Variants in SYNE1 observed in about 807,000 individuals in gnomAD.
The protein encoded by SYNE1 is nesprin-1.
SYNE1 carries 616 observed loss-of-function variants against 1,111.0 expected under a neutral mutation model. The observed-to-expected ratio is 0.55, with a 90% CI of 0.52 to 0.59. The LOEUF (loss-of-function observed/expected upper bound fraction) is 0.59. Ranked by LOEUF, SYNE1 falls within the 20% of genes least tolerant of loss-of-function variation. SYNE1 has a pLI of 0.00. For missense variants in SYNE1, 10,006 were observed against 10,417.0 expected, an observed-to-expected ratio of 0.96 and a Z score of 1.72; for synonymous variants, 3,855 against 3,825.8, an observed-to-expected ratio of 1.01 and a Z score of -0.28.
chr6:152,469,224 C>G (rs1564266365), intron 16 of SYNE1, among the ~76,000 whole-genome samples: 1 of 152,102 alleles, frequency 6.6e-6, no homozygotes, highest in Non-Finnish European at 1.5e-5. Context: ...CCATAACACT[C>G]TAAAAGGATA....
rs772518349 is a variant in SYNE1, at chr6:152,396,936, T to TGCATCA, written c.7389_7394dup (p.Asp2464_Ala2465dup). On this transcript the variant is annotated inframe_insertion, in exon 50 of 146. Coordinates refer to ENST00000367255, the MANE Select transcript of SYNE1 (RefSeq NM_182961.4). ...ACAAAGTTTGTCCTTCTTGAGTCAC[T>TGCATCA]GCATCAAGTTTGCTCTGCCCATCAC... 6.2e-7 allele frequency: 1 copy of TGCATCA among 1,614,202 alleles called. No homozygotes were observed. The highest frequency in any genetic ancestry group is 8.5e-7 in the Non-Finnish European group (1 of 1,180,024).
intron 3 of SYNE1, among the ~76,000 whole-genome samples, chr6:152,577,773 CTGTTT>C (rs2099504276): frequency 7.3e-6 from 1 of 137,756 alleles, no homozygotes; most frequent in African/African-American, 3.2e-5. Flanking sequence ...CTTGAGTTTT[CTGTTT>C]TGTTTTTTTT....
At chr6:152,455,739 T>C in intron 23 of SYNE1, 147 bp downstream of exon 23, 1 of 1,391,402 alleles carries the variant, frequency 7.2e-7, no homozygotes, top group South Asian at 1.2e-5. Context: ...TATTAATTAA[T>C]ATTAGGTAAA....
At position 152,385,928 on chromosome 6, in the gene SYNE1, C is replaced by T. The variant is rs9478329; in HGVS notation, c.8488-90G>A. On this transcript the variant is annotated intron_variant, in intron 54 of 145. Coordinates refer to ENST00000367255, the MANE Select transcript of SYNE1 (RefSeq NM_182961.4). Reference sequence around the variant, plus strand: ...AACAGGCCTGATAGAGGTCTCTTAACACATCTCAGAAAATTTCATTCTTGT... The same window carrying T: ...AACAGGCCTGATAGAGGTCTCTTAATACATCTCAGAAAATTTCATTCTTGT... The T allele has an allele frequency of 0.23, 275,509 of 1,214,052 alleles. 35,721 individuals are homozygous for T. The highest frequency in any genetic ancestry group is 0.52 in the East Asian group (22,363 of 42,786). The allele number at this position is 1,214,052 out of a possible 1,614,324, so 75.2% of individuals were successfully genotyped here.
At chr6:152,258,548 A>C (rs942982547) in intron 101 of SYNE1, among the ~76,000 whole-genome samples, 7 of 152,152 alleles carry the variant, frequency 4.6e-5, no homozygotes, top group Non-Finnish European at 8.8e-5. Flanking sequence ...TCTTGGTTTT[A>C]GTAGTACCTA....
Position 152,168,274 on chromosome 6 carries a change from C to T in SYNE1, c.23628-3949G>A, listed in dbSNP as rs570036098. ...ATATCCTGCGTGGGGATGAAAGTTT[C>T]CCCTTGTCTGTGTATAGAAGTATGA... is the stretch of plus-strand genomic sequence containing the variant. On this transcript the variant is annotated intron_variant, in intron 130 of 145. Coordinates refer to ENST00000367255, the MANE Select transcript of SYNE1 (RefSeq NM_182961.4). 37 of 642,234 alleles carry T rather than the reference C, an allele frequency of 5.8e-5. 2 individuals are homozygous for T. In the South Asian group the frequency reaches 6.1e-4, roughly 11 times the overall value. The allele number at this position is 642,234 out of a possible 1,614,324, so 39.8% of individuals were successfully genotyped here. A position where few individuals can be genotyped will look rare whatever the true frequency, so the allele number is the denominator to read the frequency against.
At chr6:152,200,307 C>A (rs926907922) in intron 127 of SYNE1, among the ~76,000 whole-genome samples, 2 of 152,178 alleles carry the variant, frequency 1.3e-5, no homozygotes, top group African/African-American at 4.8e-5. Flanking sequence ...AATGTTTTCA[C>A]GAGCTTTTGT....
rs1563074664 is a variant in SYNE1, at chr6:152,325,067, T to TG, written c.15657+16dup. The TG allele has an allele frequency of 6.2e-7, 1 of 1,612,940 alleles. No individual in the cohort carries two copies. The highest frequency in any genetic ancestry group is 1.1e-5 in the South Asian group (1 of 91,040). On this transcript the variant is annotated intron_variant, in intron 81 of 145. Coordinates refer to ENST00000367255, the MANE Select transcript of SYNE1 (RefSeq NM_182961.4). ...TAGTGAGGAAAGAAAGGTGAGCCCA[T>TG]GGACAGTGGAAACTACCTTGTTGTT... is the stretch of plus-strand genomic sequence containing the variant.
intron 99 of SYNE1, among the ~76,000 whole-genome samples, chr6:152,268,735 C>T (rs769368440): frequency 9.9e-5 from 15 of 151,980 alleles, no homozygotes; most frequent in South Asian, 2.1e-4. Context: ...TATTTTGTAA[C>T]GACATCTACT....
At position 152,181,626 on chromosome 6, in the gene SYNE1, A is replaced by G. The variant is rs191628056; in HGVS notation, c.23302-1332T>C. Among the ~76,000 whole-genome samples the G allele has an allele frequency of 4.6e-5, 7 of 152,342 alleles. No individual in the cohort carries two copies. The East Asian group carries it at 1.3e-3, about 29-fold the overall frequency. Reference sequence around the variant, plus strand: ...TATTTTAAAGATTCACCTATATTGTAGCATGTATCAATACTTCATTCCCTT... The same window carrying G: ...TATTTTAAAGATTCACCTATATTGTGGCATGTATCAATACTTCATTCCCTT... On this transcript the variant is annotated intron_variant, in intron 128 of 145. Transcript: ENST00000367255.
chr6:152,629,522 C>CGGGG lies in SYNE1; in HGVS notation c.-223-972_-223-969dup, dbSNP rs766614719. ...TGCCTGGCTGGTTAAGTTTCATTGC[C>CGGGG]GGGGGGGGGGGGGGGAGGGGGAGGG... On this transcript the variant is annotated intron_variant, in intron 2 of 145. Transcript: ENST00000367255. Among the ~76,000 whole-genome samples, 25 of 6,136 alleles carry CGGGG rather than the reference C, an allele frequency of 4.1e-3. 1 individual carries two copies. Among genetic ancestry groups the CGGGG allele is most frequent in the African/African-American group, 7.0e-3 (8 of 1,144 alleles). 4.0% of individuals were successfully genotyped at this position (6,136 alleles called of 152,430 possible).
At chr6:152,355,577 C>T (rs1268269188) in intron 66 of SYNE1, among the ~76,000 whole-genome samples, 1 of 152,054 alleles carries the variant, frequency 6.6e-6, no homozygotes, top group African/African-American at 2.4e-5. Flanking sequence ...AGCCTAAACC[C>T]CAAAGATTTA....
intron 3 of SYNE1, among the ~76,000 whole-genome samples, chr6:152,615,584 GAAAC>G (rs1206898552): frequency 6.6e-6 from 1 of 151,984 alleles, no homozygotes; most frequent in Non-Finnish European, 1.5e-5. Flanking sequence ...TATTTCATAA[GAAAC>G]AAAAACATAA....
intron 145 of SYNE1, chr6:152,129,626 T>C (rs551603825): frequency 6.8e-6 from 1 of 147,480 alleles, no homozygotes; most frequent in South Asian, 2.1e-4. Context: ...AAAAAAACAG[T>C]ACAGGGAGGT....
At chr6:152,505,576 T>G (rs1040471839) in intron 8 of SYNE1, among the ~76,000 whole-genome samples, 179 bp from the exon 9 acceptor site, 4 of 152,216 alleles carry the variant, frequency 2.6e-5, no homozygotes, top group African/African-American at 9.7e-5. Flanking sequence ...AGATAAGATG[T>G]CGAAATTCTG....
intron 96 of SYNE1, among the ~76,000 whole-genome samples, chr6:152,283,547 GC>G (rs2094150797): frequency 6.6e-6 from 1 of 152,056 alleles, no homozygotes; most frequent in African/African-American, 2.4e-5. Context: ...TTGTTTGTTT[GC>G]TTTTTTGAGA....
At chr6:152,226,191 T>G (rs2081530645) in intron 115 of SYNE1, among the ~76,000 whole-genome samples, 3 of 152,138 alleles carry the variant, frequency 2.0e-5, no homozygotes, top group African/African-American at 7.2e-5. Context: ...AACTGTAATA[T>G]TATTTATATT....
At chr6:152,369,260 C>T in intron 60 of SYNE1, 133 bp from the exon 61 acceptor site, 1 of 1,357,270 alleles carries the variant, frequency 7.4e-7, no homozygotes, top group Non-Finnish European at 1.0e-6. Context: ...TATCTCCAAT[C>T]TACACACCGT....
chr6:152,127,494 T>TA (rs771678150), intron 145 of SYNE1: 25 of 152,182 alleles, frequency 1.6e-4, no homozygotes, highest in Non-Finnish European at 1.5e-4. Flanking sequence ...CTCATACCCT[T>TA]AGGGGTTGGC....
Sources: allele counts gnomAD v4.1 joint callset (sites outside exome capture counted in the v4.1 genomes callset), GRCh38; gene constraint gnomAD v4.1.1; transcripts MANE v1.5; gene names NCBI Gene and HGNC (gene_info 2026-07-23, HGNC 2026-07-21).